The following HOMER2 variants were observed in gnomAD, a reference collection of about 807,000 sequenced individuals.
The protein encoded by HOMER2 is homer protein homolog 2.
A neutral mutation model predicts 47.0 loss-of-function variants in HOMER2; 27 were observed. That is an observed-to-expected ratio of 0.57 (90% confidence interval 0.42 to 0.79). The LOEUF is 0.79. Ranked by LOEUF, HOMER2 falls within the 30% of genes least tolerant of loss-of-function variation. HOMER2 has a pLI of 0.00. For synonymous variants in HOMER2, 161 were observed against 163.8 expected (o/e 0.98, Z 0.13); for missense variants, 443 against 435.0 (o/e 1.02, Z -0.16).
At chr15:82,876,782 C>T (rs547450093) in intron 2 of HOMER2, among the ~76,000 whole-genome samples, 3 of 152,340 alleles carry the variant, frequency 2.0e-5, no homozygotes, top group East Asian at 3.9e-4. Context: ...GTTTGAATGG[C>T]ATAGGGCTTG....
intron 3 of HOMER2, among the ~76,000 whole-genome samples, chr15:82,874,728 A>G (rs926099557): frequency 6.6e-6 from 1 of 152,258 alleles, no homozygotes; most frequent in Non-Finnish European, 1.5e-5. Context: ...CAAGAGCTCC[A>G]AAAACAGAGT....
At chr15:82,866,633 C>G (rs778333407) in intron 3 of HOMER2, among the ~76,000 whole-genome samples, 2 of 152,154 alleles carry the variant, frequency 1.3e-5, no homozygotes, top group African/African-American at 2.4e-5. Context: ...ATGGGAAGAA[C>G]CTGGTGGGAG....
intron 1 of HOMER2, among the ~76,000 whole-genome samples, chr15:82,928,940 TAAAAA>T: frequency 2.5e-5 from 1 of 39,942 alleles, no homozygotes; most frequent in Non-Finnish European, 4.0e-5. Flanking sequence ...AAATAAAAAC[TAAAAA>T]AAAAAAAAAA....
chr15:82,852,405 TG>T, intron 6 of HOMER2, 153 bp from the exon 7 acceptor site: 1 of 599,502 alleles, frequency 1.7e-6, no homozygotes, highest in Non-Finnish European at 2.9e-6. Flanking sequence ...ACAAACCCCA[TG>T]CAGCTCCATC....
chr15:82,865,767 G>C (rs2051944977), intron 3 of HOMER2, among the ~76,000 whole-genome samples: 1 of 152,238 alleles, frequency 6.6e-6, no homozygotes, highest in African/African-American at 2.4e-5. Flanking sequence ...TGGCTTCAAA[G>C]GGTGCAAGCC....
At chr15:82,950,039 G>A (rs1027475905) in intron 1 of HOMER2, among the ~76,000 whole-genome samples, 3 of 152,154 alleles carry the variant, frequency 2.0e-5, no homozygotes, top group African/African-American at 7.2e-5. Flanking sequence ...AGGAAGAGAT[G>A]AGGGACAGGT....
At chr15:82,839,695 CAG>C (rs1273365054) in exon 2 of HOMER2, 1 of 152,022 alleles carries the variant, frequency 6.6e-6, no homozygotes, top group Admixed American at 6.6e-5. Flanking sequence ...AAGAAACAGA[CAG>C]AAATACAATA....
intron 1 of HOMER2, among the ~76,000 whole-genome samples, chr15:82,903,219 CGAAG>C (rs943144997): frequency 3.9e-5 from 6 of 152,078 alleles, no homozygotes; most frequent in African/African-American, 1.4e-4. Context: ...CGGTAGGGAC[CGAAG>C]GAAGGGAGTG....
chr15:82,982,534 C>A (rs8037659), intron 1 of HOMER2, among the ~76,000 whole-genome samples: 34,054 of 151,636 alleles, frequency 0.22, 4,192 homozygotes, highest in East Asian at 0.57. Context: ...AAAGAAAATA[C>A]CAGTTGAGTA....
chr15:82,919,310 T>C (rs1327862117), intron 1 of HOMER2, among the ~76,000 whole-genome samples: 1 of 152,198 alleles, frequency 6.6e-6, no homozygotes, highest in Non-Finnish European at 1.5e-5. Flanking sequence ...CAGGCCTTAC[T>C]CAGGGAAGTC....
exon 2 of HOMER2, chr15:82,958,139 C>T (rs2054601582): frequency 6.6e-6 from 1 of 152,056 alleles, no homozygotes; most frequent in Non-Finnish European, 1.5e-5. Flanking sequence ...GCCCGGCCTA[C>T]CCATTTATTT....
chr15:82,914,295 G>A (rs953862489), intron 1 of HOMER2, among the ~76,000 whole-genome samples: 3 of 150,154 alleles, frequency 2.0e-5, no homozygotes, highest in African/African-American at 4.9e-5. Context: ...GGAGAACAGC[G>A]TGAACCCGGG....
chr15:82,915,067 G>A (rs1212976108), intron 1 of HOMER2, among the ~76,000 whole-genome samples: 1 of 151,940 alleles, frequency 6.6e-6, no homozygotes, highest in Non-Finnish European at 1.5e-5. Flanking sequence ...CAGCTACTGG[G>A]GAGGCTGAGG....
intron 1 of HOMER2, among the ~76,000 whole-genome samples, chr15:82,907,191 A>C (rs1285305601): frequency 6.6e-6 from 1 of 152,126 alleles, no homozygotes; most frequent in African/African-American, 2.4e-5. Flanking sequence ...GTCTGTCTCT[A>C]CTAAAAATAC....
chr15:82,948,517 C>T (rs976621411), intron 1 of HOMER2, among the ~76,000 whole-genome samples: 2 of 152,154 alleles, frequency 1.3e-5, no homozygotes, highest in Non-Finnish European at 2.9e-5. Context: ...GAGCAGAGAC[C>T]GTGCCACTGC....
At chr15:82,910,996 T>C (rs137930527) in intron 1 of HOMER2, among the ~76,000 whole-genome samples, 31 of 152,302 alleles carry the variant, frequency 2.0e-4, no homozygotes, top group African/African-American at 7.5e-4. Flanking sequence ...TATAACCACC[T>C]CAAGGGTTTG....
At position 82,849,918 on chromosome 15, in the gene HOMER2, G is replaced by A; in HGVS notation, c.844-15C>T. 2 of 1,611,996 alleles carry A rather than the reference G, an allele frequency of 1.2e-6. No homozygotes were observed. The highest frequency in any genetic ancestry group is 1.7e-6 in the Non-Finnish European group (2 of 1,178,612). ...CTCTCTGCCGCCTGGCCAAGCAAAA[G>A]GGAGAAGGGTCTAGAAAACTGAGTG... is the stretch of plus-strand genomic sequence containing the variant. On this transcript the variant is annotated splice_polypyrimidine_tract_variant and intron_variant, in intron 8 of 8. Transcript: ENST00000450735.
intron 1 of HOMER2, among the ~76,000 whole-genome samples, chr15:82,894,569 G>A (rs1596329702): frequency 6.6e-6 from 1 of 151,440 alleles, no homozygotes; most frequent in East Asian, 1.9e-4. Context: ...TACTCGGGAG[G>A]CTGAGGCAGA....
chr15:82,842,071 C>T (rs929695626), exon 2 of HOMER2: 1 of 152,012 alleles, frequency 6.6e-6, no homozygotes, highest in African/African-American at 2.4e-5. Flanking sequence ...GTCATAAAAG[C>T]GATAGATTTA....
Sources: gnomAD v4.1 joint callset for allele counts (sites outside exome capture counted in the v4.1 genomes callset) on GRCh38, gnomAD v4.1.1 for gene constraint, MANE v1.5 for transcripts, NCBI Gene and HGNC (gene_info 2026-07-23, HGNC 2026-07-21) for gene names.